Variants in RIPOR3 observed in about 807,000 individuals in gnomAD.
RIPOR3 encodes family with sequence similarity 65 member C.
In RIPOR3, 95 loss-of-function variants were observed where a neutral mutation model predicts 114.3. The observed-to-expected ratio is 0.83, with a 90% confidence interval of 0.70 to 0.99. RIPOR3 has a LOEUF of 0.99. Among genes scored for constraint, RIPOR3 ranks in the 50% least tolerant of loss-of-function variants. The pLI, the probability that RIPOR3 is intolerant of heterozygous loss-of-function variation, is 0.00. For synonymous variants in RIPOR3, 575 were observed against 543.8 expected, an observed-to-expected ratio of 1.06 and a Z score of -0.80; for missense variants, 1,252 against 1,266.9, an observed-to-expected ratio of 0.99 and a Z score of 0.18.
chr20:50,622,514 T>C lies in RIPOR3; in HGVS notation c.123-2382A>G, dbSNP rs574839627. Among the ~76,000 whole-genome samples, 12 of 152,196 alleles carry C rather than the reference T, an allele frequency of 7.9e-5. No individual in the cohort carries two copies. The South Asian group carries it at 2.3e-3, about 29-fold the overall frequency. ...AGTTATTATAGGGGACTACTGGCCC[T>C]TCTCTTCCAACTCCTCCTCTTCCCA... On this transcript the variant is annotated intron_variant, in intron 2 of 21. Coordinates refer to ENST00000327979, the MANE Select transcript of RIPOR3 (RefSeq NM_001290268.2).
intron 2 of RIPOR3, chr20:50,620,710 A>C (rs2084369314): frequency 5.8e-6 from 2 of 341,974 alleles, no homozygotes; most frequent in Non-Finnish European, 1.1e-5. Context: ...GGATTAAAAG[A>C]AGAGTAATAA....
intron 1 of RIPOR3, among the ~76,000 whole-genome samples, chr20:50,652,506 G>A (rs553953742): frequency 1.8e-3 from 265 of 147,920 alleles, no homozygotes; most frequent in Admixed American, 4.6e-3. Flanking sequence ...CAATAGAATC[G>A]CTTGAGCCTG....
At chr20:50,675,588 C>T (rs144864526) in intron 1 of RIPOR3, among the ~76,000 whole-genome samples, 3 of 152,358 alleles carry the variant, frequency 2.0e-5, no homozygotes, top group Admixed American at 2.0e-4. Context: ...TCACCGACCA[C>T]ACTGTGCTAT....
chr20:50,679,216 A>T (rs2086780101), intron 1 of RIPOR3, among the ~76,000 whole-genome samples: 1 of 145,600 alleles, frequency 6.9e-6, no homozygotes, highest in African/African-American at 2.5e-5. Context: ...TACCTCAAAA[A>T]ATATATATAT....
intron 1 of RIPOR3, among the ~76,000 whole-genome samples, chr20:50,674,496 G>A (rs895255083): frequency 3.3e-5 from 5 of 151,506 alleles, no homozygotes; most frequent in Non-Finnish European, 5.9e-5. Context: ...ATTAGGTGGT[G>A]TTGTGAGTTG....
At chr20:50,666,269 TGCTG>T (rs2086241595) in intron 1 of RIPOR3, among the ~76,000 whole-genome samples, 1 of 113,596 alleles carries the variant, frequency 8.8e-6, no homozygotes, top group African/African-American at 2.9e-5. Context: ...CACGCTCTGT[TGCTG>T]GAGTGCAGTG....
At chr20:50,613,457 AAAAAG>A (rs539966646) in intron 4 of RIPOR3, among the ~76,000 whole-genome samples, 64 of 152,232 alleles carry the variant, frequency 4.2e-4, no homozygotes, top group South Asian at 2.1e-3. Flanking sequence ...CATCCCGAAA[AAAAAG>A]AAAAGAAAAG....
intron 1 of RIPOR3, among the ~76,000 whole-genome samples, chr20:50,650,368 T>C (rs1001276767): frequency 2.0e-5 from 3 of 152,066 alleles, no homozygotes; most frequent in East Asian, 3.9e-4. Context: ...AGTGGCGCAA[T>C]CTCTGCTCAC....
At chr20:50,616,922 C>T (rs2084194512) in intron 3 of RIPOR3, among the ~76,000 whole-genome samples, 1 of 152,170 alleles carries the variant, frequency 6.6e-6, no homozygotes, top group South Asian at 2.1e-4. Context: ...GTGGGCGGAT[C>T]ACAAGGTCAG....
At chr20:50,630,975 G>C (rs2084801773) in intron 1 of RIPOR3, 119 bp from the exon 2 acceptor site, 2 of 780,172 alleles carry the variant, frequency 2.6e-6, no homozygotes, top group African/African-American at 1.7e-5. Context: ...TGTTGTGGGG[G>C]CTGGTACTGT....
chr20:50,637,539 G>A (rs1256519226), intron 1 of RIPOR3, among the ~76,000 whole-genome samples: 1 of 152,064 alleles, frequency 6.6e-6, no homozygotes, highest in Admixed American at 6.6e-5. Flanking sequence ...TTCGCTCCAG[G>A]GAGCAGGGGG....
intron 1 of RIPOR3, among the ~76,000 whole-genome samples, chr20:50,680,535 C>T (rs1003975806): frequency 6.6e-6 from 1 of 152,222 alleles, no homozygotes; most frequent in Non-Finnish European, 1.5e-5. Context: ...ATGCTTTATC[C>T]CAGAGAATTA....
intron 12 of RIPOR3, among the ~76,000 whole-genome samples, chr20:50,603,464 C>T (rs111693102): frequency 3.3e-4 from 50 of 152,296 alleles, no homozygotes; most frequent in African/African-American, 1.2e-3. Context: ...GTCTCAAACT[C>T]CTGACCTCAG....
At position 50,587,352 on chromosome 20, in the gene RIPOR3, T is replaced by C; in HGVS notation, c.2753-20A>G. 6.2e-7 allele frequency: 1 copy of C among 1,607,000 alleles called. No individual in the cohort carries two copies. On this transcript the variant is annotated intron_variant, in intron 21 of 21. Coordinates refer to ENST00000327979, the MANE Select transcript of RIPOR3 (RefSeq NM_001290268.2). Reference sequence around the variant, plus strand: ...TTTCACCTGAAATAGCAAAGGGACCTGTCAGCGGGTTGGATCCTGCCTTGG... The same window carrying C: ...TTTCACCTGAAATAGCAAAGGGACCCGTCAGCGGGTTGGATCCTGCCTTGG...
At chr20:50,595,543 A>T in intron 15 of RIPOR3, 39 bp from the exon 16 acceptor site, 1 of 1,605,234 alleles carries the variant, frequency 6.2e-7, no homozygotes, top group Non-Finnish European at 8.5e-7. Context: ...AGCATGGAAC[A>T]TGCCCACCGA....
In RIPOR3 at chr20:50,616,037, C is replaced by A; in HGVS notation, c.313G>T (p.Gly105Ter). ...TTCCTCCTGGTGTCTTTGTGGCGTC[C>A]AGACAGGTGGTCCAGCTCAGCCTGC... Reference protein sequence around the residue: ...VQQAELDHLSGRHKDTRRNSR... With the variant: ...VQQAELDHLS Residue 105 changes from glycine (G) to a stop codon, truncating the protein, a stop_gained, in exon 4 of 22, where the codon GGA (glycine) becomes TGA (stop). Transcript: ENST00000327979. LOFTEE classifies it high-confidence loss of function. 1 of 1,611,578 alleles carries A rather than the reference C, an allele frequency of 6.2e-7. No homozygotes were observed. Among genetic ancestry groups the A allele is most frequent in the South Asian group, 1.1e-5 (1 of 90,158 alleles).
At chr20:50,680,402 G>A (rs1379938057) in intron 1 of RIPOR3, among the ~76,000 whole-genome samples, 1 of 152,194 alleles carries the variant, frequency 6.6e-6, no homozygotes, top group Non-Finnish European at 1.5e-5. Flanking sequence ...CCCACTTTGA[G>A]TTAATCAACA....
chr20:50,643,234 G>A (rs1318567643), intron 1 of RIPOR3, among the ~76,000 whole-genome samples: 2 of 150,088 alleles, frequency 1.3e-5, no homozygotes, highest in African/African-American at 2.4e-5. Context: ...TGATTCTCCC[G>A]CCTCAGCCTC....
In RIPOR3 at chr20:50,609,348, C is replaced by A; in HGVS notation, c.585G>T (p.Trp195Cys). The A allele has an allele frequency of 6.2e-7, 1 of 1,613,802 alleles. No individual in the cohort carries two copies. Among genetic ancestry groups the A allele is most frequent in the Non-Finnish European group, 8.5e-7 (1 of 1,179,788 alleles). ...GAACCTCCAGGGCCCCCTCGATGAGCCACATGTCCTGCAAAGCCCCGGAGG... is the reference window on the plus strand; with the variant it reads ...GAACCTCCAGGGCCCCCTCGATGAGACACATGTCCTGCAAAGCCCCGGAGG... ...RSLHECAEDM[W>C]LIEGALEVHL... is the part of the protein sequence containing the mutation. The change falls in exon 8 of 22, where the codon TGG becomes TGT. Residue 195 changes from tryptophan to cysteine, a missense_variant. Physicochemically the swap from Trp to Cys is radical, Grantham distance 215 (BLOSUM62 -2). Coordinates refer to ENST00000327979, the MANE Select transcript of RIPOR3 (RefSeq NM_001290268.2).
Sources: gnomAD v4.1 joint callset for allele counts (sites outside exome capture counted in the v4.1 genomes callset) on GRCh38, gnomAD v4.1.1 for gene constraint, MANE v1.5 for transcripts, NCBI Gene and HGNC (gene_info 2026-07-23, HGNC 2026-07-21) for gene names.